Variants in RPL8 observed in about 807,000 individuals in gnomAD.
The protein encoded by RPL8 is large ribosomal subunit protein uL2.
For synonymous variants in RPL8, 182 were observed against 143.2 expected (o/e 1.27, Z -1.94); for missense variants, 248 against 365.9 (o/e 0.68, Z 2.63).
At position 144,789,888 on chromosome 8, in the gene RPL8, A is replaced by G; in HGVS notation, c.690T>C (p.Pro230=). ...CAATGAGACCCACTTTGCGGCCAGC[A>G]GGGGCATCTCTGCGGATGGTGGAGG... The part of the protein sequence containing the change: ...GKPSTIRRDA[P]AGRKVGLIAA... The change falls in exon 5 of 5, where the codon CCT becomes CCC. Residue 230 remains proline, a synonymous_variant. Coordinates refer to ENST00000528957, the MANE Select transcript of RPL8 (RefSeq NM_001317782.2). The G allele has an allele frequency of 6.2e-7, 1 of 1,613,442 alleles. No homozygotes were observed. Among genetic ancestry groups the G allele is most frequent in the Non-Finnish European group, 8.5e-7 (1 of 1,179,856 alleles).
rs1826540208 is a variant in RPL8 at position 144,791,918 on chromosome 8, T to G, written c.139-4A>C. The G allele has an allele frequency of 6.2e-7, 1 of 1,612,466 alleles. No individual in the cohort carries two copies. The highest frequency in any genetic ancestry group is 1.3e-5 in the African/African-American group (1 of 74,876). On this transcript the variant is annotated splice_region_variant and splice_polypyrimidine_tract_variant and intron_variant, in intron 1 of 4. Coordinates refer to ENST00000528957, the MANE Select transcript of RPL8 (RefSeq NM_001317782.2). ...GGCCCGGGTCGTGGATGATGTCCTGTGGGCAGAGGCGGCGTGAGTGCGGCG... is the reference window on the plus strand; with the variant it reads ...GGCCCGGGTCGTGGATGATGTCCTGGGGGCAGAGGCGGCGTGAGTGCGGCG...
chr8:144,791,179 T>A, intron 3 of RPL8, 98 bp downstream of exon 3: 1 of 1,217,508 alleles, frequency 8.2e-7, no homozygotes, highest in Non-Finnish European at 1.2e-6. Flanking sequence ...CAACAGGTAA[T>A]CGAATTCCAG....
rs1175790663 is a variant in RPL8, at chr8:144,790,476, G to A, written c.500-6C>T. 5.6e-6 allele frequency: 9 copies of A among 1,608,938 alleles called. No individual in the cohort carries two copies. The highest frequency in any genetic ancestry group is 1.4e-5 in the African/African-American group (1 of 71,556). On this transcript the variant is annotated splice_region_variant and splice_polypyrimidine_tract_variant and intron_variant, in intron 3 of 4. Transcript: ENST00000528957. Reference sequence around the variant, plus strand: ...GCCACCTCCAGCCACCACACCTGTAGGGGATCAGATACCTCAGGGAACCCC... The same window carrying A: ...GCCACCTCCAGCCACCACACCTGTAAGGGATCAGATACCTCAGGGAACCCC...
rs1826460511 is a variant in RPL8, at chr8:144,790,393, T to C, written c.577A>G (p.Arg193Gly). 1.2e-6 allele frequency: 2 copies of C among 1,614,194 alleles called. No homozygotes were observed. The highest frequency in any genetic ancestry group is 4.5e-5 in the East Asian group (2 of 44,886). Residue 193 changes from arginine (R) to glycine (G), a missense_variant, in exon 4 of 5, where the codon AGG becomes GGG. Transcript: ENST00000528957. ...CCCCGTACTCGTGGCCAGCAGTTCC[T>C]CTTTGCCTTATATTTGTGGTACGCC... The part of the protein sequence containing the change: ...GRAYHKYKAK[R>G]NCWPRVRGVA...
intron 4 of RPL8, 70 bp downstream of exon 4, chr8:144,790,285 G>A: frequency 7.7e-7 from 1 of 1,295,402 alleles, no homozygotes; most frequent in South Asian, 1.2e-5. Context: ...ACCTGTGGAT[G>A]GGACTTGCCT....
chr8:144,790,697 G>A (rs1826475650), intron 3 of RPL8: 5 of 687,938 alleles, frequency 7.3e-6, no homozygotes, highest in African/African-American at 1.8e-5. Context: ...CTAGAATGCT[G>A]GCTGAGCTCC....
At chr8:144,790,847 G>A (rs1826483449) in intron 3 of RPL8, 4 of 532,532 alleles carry the variant, frequency 7.5e-6, no homozygotes, top group East Asian at 4.9e-5. Context: ...CCCTGTGCGA[G>A]GCTGAGTTCA....
In RPL8 at chr8:144,791,448, C is replaced by T. The variant is rs1300442791; in HGVS notation, c.328G>A (p.Gly110Ser). 5 of 1,613,962 alleles carry T rather than the reference C, an allele frequency of 3.1e-6. No homozygotes were observed. In the South Asian group the frequency reaches 4.4e-5, roughly 14 times the overall value. ...TCCTCCAGGCAGCACACGATTGTACCCTCAGGCATGGTGCCCACAGGGAGC... is the reference window on the plus strand; with the variant it reads ...TCCTCCAGGCAGCACACGATTGTACTCTCAGGCATGGTGCCCACAGGGAGC... ...NVLPVGTMPE[G>S]TIVCCLEEKP... Residue 110 changes from glycine (G) to serine (S), a missense_variant, in exon 3 of 5, where the codon GGT becomes AGT. Coordinates refer to ENST00000528957, the MANE Select transcript of RPL8 (RefSeq NM_001317782.2).
At chr8:144,790,919 TTCAC>T in intron 3 of RPL8, 1 of 466,560 alleles carries the variant, frequency 2.1e-6, no homozygotes, top group South Asian at 1.8e-5. Context: ...CAAATCCTTT[TTCAC>T]TCACTCAGTA....
At chr8:144,790,028 C>A in intron 4 of RPL8, 66 bp from the exon 5 acceptor site, 1 of 1,503,484 alleles carries the variant, frequency 6.7e-7, no homozygotes, top group Admixed American at 2.2e-5. Flanking sequence ...GCCTCGGGGT[C>A]CCACCCGTCA....
At position 144,791,511 on chromosome 8, in the gene RPL8, G is replaced by GC; in HGVS notation, c.281-17dup. ...TTGAGCTGGGCTGCAAGGGGAAGCAGCATCAGGCCGTCAGCACAGTAAGAA... is the reference window on the plus strand; with the variant it reads ...TTGAGCTGGGCTGCAAGGGGAAGCAGCCATCAGGCCGTCAGCACAGTAAGAA... On this transcript the variant is annotated splice_polypyrimidine_tract_variant and intron_variant, in intron 2 of 4. Coordinates refer to ENST00000528957, the MANE Select transcript of RPL8 (RefSeq NM_001317782.2). 1 of 1,611,636 alleles carries GC rather than the reference G, an allele frequency of 6.2e-7. No individual in the cohort carries two copies. Among genetic ancestry groups the GC allele is most frequent in the Non-Finnish European group, 8.5e-7 (1 of 1,178,934 alleles).
Position 144,792,011 on chromosome 8 carries a change from T to C in RPL8, c.119A>G (p.Tyr40Cys), listed in dbSNP as rs1368834371. 6.2e-7 allele frequency: 1 copy of C among 1,608,916 alleles called. No homozygotes were observed. Among genetic ancestry groups the C allele is most frequent in the Non-Finnish European group, 8.5e-7 (1 of 1,177,902 alleles). The change falls in exon 1 of 5, where the codon TAC (tyrosine) becomes TGC (cysteine). Residue 40 changes from tyrosine (Y) to cysteine (C), a missense_variant. Transcript: ENST00000528957. Reference protein sequence around the residue: ...RAVDFAERHGYIKGIVKDIIH... With the variant: ...RAVDFAERHGCIKGIVKDIIH... ...CCGCACCTTGACGATGCCCTTGATG[T>C]AGCCGTGCCGCTCAGCGAAATCCAC...
At chr8:144,791,603 C>T in intron 2 of RPL8, 108 bp from the exon 3 acceptor site, 1 of 1,468,696 alleles carries the variant, frequency 6.8e-7, no homozygotes, top group Non-Finnish European at 9.3e-7. Flanking sequence ...CATCCAGCCT[C>T]CCGGTACAAC....
chr8:144,791,213 T>C (rs1586750848), intron 3 of RPL8, 64 bp downstream of exon 3: 10 of 1,506,276 alleles, frequency 6.6e-6, no homozygotes, highest in Admixed American at 3.4e-5. Flanking sequence ...CCACTGGCTG[T>C]CCACCGGCAC....
intron 4 of RPL8, 102 bp downstream of exon 4, chr8:144,790,253 T>C: frequency 3.0e-6 from 3 of 985,236 alleles, no homozygotes; most frequent in Non-Finnish European, 3.2e-6. Flanking sequence ...CCTCCCACCG[T>C]AGATCCCCCT....
intron 3 of RPL8, 180 bp downstream of exon 3, chr8:144,791,097 T>A (rs375971649): frequency 5.3e-5 from 33 of 624,516 alleles, no homozygotes; most frequent in East Asian, 5.2e-4. Context: ...CAGGTACTGT[T>A]GTGCCTGTTG....
Position 144,792,188 on chromosome 8 carries a change from G to C in RPL8, c.-59C>G, listed in dbSNP as rs1323137370. The C allele has an allele frequency of 1.4e-6, 2 of 1,427,936 alleles. No individual in the cohort carries two copies. Among genetic ancestry groups the C allele is most frequent in the Non-Finnish European group, 1.8e-6 (2 of 1,099,632 alleles). 88.5% of individuals were successfully genotyped at this position (1,427,936 alleles called of 1,614,324 possible). A position where few individuals can be genotyped will look rare whatever the true frequency, so the allele number is the denominator to read the frequency against. On this transcript the variant is annotated 5_prime_UTR_variant, in exon 1 of 5. Coordinates refer to ENST00000528957, the MANE Select transcript of RPL8 (RefSeq NM_001317782.2). ...GCGGCCGGGCGGCCCGGGTACCCCC[G>C]CCAGCCCGGCTTTCCGGGACCCCGC... is the stretch of plus-strand genomic sequence containing the variant.
intron 3 of RPL8, chr8:144,790,671 C>G (rs568021158): frequency 8.7e-6 from 6 of 692,754 alleles, no homozygotes; most frequent in Non-Finnish European, 1.3e-5. Flanking sequence ...CAAGCCAAGG[C>G]CCTCACCTCC....
intron 3 of RPL8, chr8:144,790,981 C>G: frequency 2.0e-6 from 1 of 493,490 alleles, no homozygotes; most frequent in South Asian, 2.0e-5. Flanking sequence ...TCTAAAAAGG[C>G]TGTTAACCAA....
Sources: allele counts gnomAD v4.1 joint callset, GRCh38; gene constraint gnomAD v4.1.1; transcripts MANE v1.5; gene names NCBI Gene and HGNC (gene_info 2026-07-23, HGNC 2026-07-21).